SLC49A3: variants seen among roughly 807,000 people sequenced by gnomAD.
The protein encoded by SLC49A3 is solute carrier family 49 member 3, also known as solute carrier family 49 member A3.
SLC49A3 carries 50 observed loss-of-function variants against 43.8 expected under a neutral mutation model. The ratio of observed to expected loss-of-function variants is 1.14; its 90% CI spans 0.91 to 1.45. The LOEUF is 1.45. Among genes scored for constraint, SLC49A3 ranks in the 40% most tolerant of loss-of-function variants. SLC49A3 has a pLI of 0.00. For missense variants in SLC49A3, 906 were observed against 774.1 expected (o/e 1.17, Z -2.02); for synonymous variants, 413 against 352.0 (o/e 1.17, Z -1.94).
At chr4:684,135 A>T (rs1740488830) in intron 6 of SLC49A3, among the ~76,000 whole-genome samples, 1 of 152,206 alleles carries the variant, frequency 6.6e-6, no homozygotes, top group Admixed American at 6.5e-5. Flanking sequence ...TCCCCGCTGC[A>T]CGTCTGGATA....
rs780895271 is a variant in SLC49A3, at chr4:682,082, T to TG, written c.1555dup (p.Gln519ProfsTer26). The TG allele has an allele frequency of 7.1e-7, 1 of 1,401,202 alleles. No individual in the cohort carries two copies. The highest frequency in any genetic ancestry group is 1.5e-5 in the African/African-American group (1 of 67,074). The allele number at this position is 1,401,202 out of a possible 1,614,324, so 86.8% of individuals were successfully genotyped here. On this transcript the variant is annotated frameshift_variant, in exon 10 of 10. Coordinates refer to ENST00000322224, the MANE Select transcript of SLC49A3 (RefSeq NM_032219.4). LOFTEE classifies it low-confidence loss of function (END_TRUNC). ...GGGCGCGTCGGTGGCTGCTGGGCCTTGCGCACGGGGAGTCGCTCGGTGGCA... is the reference window on the plus strand; with the variant it reads ...GGGCGCGTCGGTGGCTGCTGGGCCTTGGCGCACGGGGAGTCGCTCGGTGGCA...
intron 8 of SLC49A3, 28 bp from the exon 9 acceptor site, chr4:682,918 C>T (rs1372611640): frequency 3.9e-6 from 6 of 1,532,014 alleles, no homozygotes; most frequent in Non-Finnish European, 5.3e-6. Context: ...TCAGCCCCCG[C>T]TGCACTGCCC....
chr4:678,417 C>A, downstream of SLC49A3: 1 of 1,420,466 alleles, frequency 7.0e-7, no homozygotes, highest in Non-Finnish European at 9.2e-7. Context: ...GCTCTGTGGG[C>A]CTTCTGGAAG....
At chr4:679,405 G>C (rs1381015513), downstream of SLC49A3, among the ~76,000 whole-genome samples, 1 of 152,152 alleles carries the variant, frequency 6.6e-6, no homozygotes, top group Non-Finnish European at 1.5e-5. Context: ...CCAGACCACA[G>C]AGCTGACAGA....
At position 685,884 on chromosome 4, in the gene SLC49A3, T is replaced by C. The variant is rs201313310; in HGVS notation, c.536A>G (p.Asn179Ser). 21 of 1,613,936 alleles carry C rather than the reference T, an allele frequency of 1.3e-5. No individual in the cohort carries two copies. The highest frequency in any genetic ancestry group is 1.6e-5 in the Non-Finnish European group (19 of 1,179,992). Residue 179 changes from asparagine (N) to serine (S), a missense_variant, in exon 4 of 10, where the codon AAT (asparagine) becomes AGT (serine). By Grantham distance (46) the Asn-to-Ser change is conservative. Transcript: ENST00000322224. This position sits in a 1 kb window ranked among gnomAD's most constrained non-coding sequence, Gnocchi z 4.3. The stretch of plus-strand genomic sequence containing the variant: ...CTTGACCAGCACAGGGGACAGCACA[T>C]TGGCCACAAGGACGCCCAGAGGGTT... Reference protein sequence around the residue: ...MSNPLGVLVANVLSPVLVKKG... With the variant: ...MSNPLGVLVASVLSPVLVKKG...
chr4:684,681 C>T, intron 5 of SLC49A3, 38 bp downstream of exon 5: 3 of 1,605,680 alleles, frequency 1.9e-6, no homozygotes, highest in Non-Finnish European at 2.6e-6. Context: ...GCCCCCACCC[C>T]CAAATCCACC....
At chr4:679,416 G>C (rs191717620), downstream of SLC49A3, among the ~76,000 whole-genome samples, 68 of 152,358 alleles carry the variant, frequency 4.5e-4, no homozygotes, top group Admixed American at 3.0e-3. Flanking sequence ...AGCTGACAGA[G>C]GGCGTGGAGA....
Position 684,828 on chromosome 4 carries a change from A to C in SLC49A3, c.614T>G (p.Val205Gly). The stretch of plus-strand genomic sequence containing the variant: ...GCAGATGGTGGACAGCAGGCAGACG[A>C]CGCCAGCAGGGATGGTATAGACACC... ...MLGVYTIPAG[V>G]VCLLSTICLW... Residue 205 changes from valine to glycine, a missense_variant, in exon 5 of 10, where the codon GTC (valine) becomes GGC (glycine). By Grantham distance (109) the Val-to-Gly change is moderately radical. Coordinates refer to ENST00000322224, the MANE Select transcript of SLC49A3 (RefSeq NM_032219.4). 1 of 1,612,468 alleles carries C rather than the reference A, an allele frequency of 6.2e-7. No homozygotes were observed. The highest frequency in any genetic ancestry group is 8.5e-7 in the Non-Finnish European group (1 of 1,179,880).
At chr4:682,515 A>G in intron 9 of SLC49A3, 139 bp from the exon 10 acceptor site, 2 of 977,206 alleles carry the variant, frequency 2.0e-6, no homozygotes, top group Non-Finnish European at 2.7e-6. Context: ...GCAGCTCTTG[A>G]CAGCCCTGAG....
chr4:683,528 A>C, intron 7 of SLC49A3, 81 bp downstream of exon 7: 1 of 1,517,008 alleles, frequency 6.6e-7, no homozygotes, highest in South Asian at 1.3e-5. Flanking sequence ...CCTCTGTTCC[A>C]GCCAAGCCGC....
intron 7 of SLC49A3, 78 bp from the exon 8 acceptor site, chr4:683,445 A>T: frequency 6.5e-7 from 1 of 1,540,734 alleles, no homozygotes; most frequent in East Asian, 2.3e-5. Flanking sequence ...GGGACATGGG[A>T]CACGGGGCAG....
At chr4:681,285 G>GC (rs1272153366), downstream of SLC49A3, 1 of 937,390 alleles carries the variant, frequency 1.1e-6, no homozygotes, top group African/African-American at 1.7e-5. Context: ...CTCCCGAAGT[G>GC]CCCGTCTGAG....
upstream of SLC49A3, chr4:689,502 C>A (rs939615185): frequency 1.8e-5 from 3 of 167,264 alleles, no homozygotes; most frequent in Admixed American, 1.3e-4. Context: ...CTGAAGGGGG[C>A]TGTGGACCCC....
intron 6 of SLC49A3, among the ~76,000 whole-genome samples, chr4:684,146 C>T (rs1392023923): frequency 6.6e-6 from 1 of 152,216 alleles, no homozygotes; most frequent in Admixed American, 6.5e-5. Flanking sequence ...CGTCTGGATA[C>T]CAGAAGGTGG....
At chr4:681,080 C>T (rs769387832), downstream of SLC49A3, 10 of 1,595,778 alleles carry the variant, frequency 6.3e-6, no homozygotes, top group East Asian at 6.8e-5. Context: ...TGACCCCTTT[C>T]CTCGTCCTCA....
chr4:681,168 C>T (rs752629765), downstream of SLC49A3: 4 of 1,595,812 alleles, frequency 2.5e-6, no homozygotes, highest in Non-Finnish European at 8.5e-7. Flanking sequence ...CCTGCCAAGC[C>T]CACGAGGGGA....
rs113369372 is a variant in SLC49A3 at position 685,757 on chromosome 4, C to G, written c.585+78G>C. 442 of 1,475,948 alleles carry G rather than the reference C, an allele frequency of 3.0e-4. 4 individuals carry two copies. The African/African-American group carries it at 5.2e-3, about 17-fold the overall frequency. The allele number at this position is 1,475,948 out of a possible 1,614,324, so 91.4% of individuals were successfully genotyped here. On this transcript the variant is annotated intron_variant, in intron 4 of 9. Transcript: ENST00000322224. This position sits in a 1 kb window ranked among gnomAD's most constrained non-coding sequence, Gnocchi z 4.3. ...ACACACGGGCACAGGAACACGGACA[C>G]ACTTGGGATCAGGAACACACAGACG... is the stretch of plus-strand genomic sequence containing the variant.
At chr4:690,088 C>A (rs1362593538), upstream of SLC49A3, among the ~76,000 whole-genome samples, 1 of 152,222 alleles carries the variant, frequency 6.6e-6, no homozygotes, top group East Asian at 1.9e-4. Context: ...ACATTCATCT[C>A]CTTTGCCAGG....
downstream of SLC49A3, chr4:681,075 C>A (rs1225972336): frequency 6.3e-6 from 10 of 1,592,232 alleles, no homozygotes; most frequent in African/African-American, 1.3e-5. Context: ...CGCGCTGACC[C>A]CTTTCCTCGT....
Sources: allele counts gnomAD v4.1 joint callset (sites outside exome capture counted in the v4.1 genomes callset), GRCh38; gene constraint gnomAD v4.1.1; non-coding constraint Gnocchi (gnomAD v3.1); transcripts MANE v1.5; gene names NCBI Gene and HGNC (gene_info 2026-07-23, HGNC 2026-07-21).